Variants in DNM2 observed in about 807,000 individuals in gnomAD.
DNM2 encodes the protein dynamin 2.
Under a neutral mutation model 99.0 loss-of-function variants are expected in DNM2, and 15 were observed. The ratio of observed to expected loss-of-function variants is 0.15; its 90% confidence interval spans 0.10 to 0.23. The LOEUF is 0.23. DNM2 is among the 10% of genes least tolerant of loss of function. The pLI is 1.00. For missense variants in DNM2, 742 were observed against 1,189.4 expected (o/e 0.62, Z 5.53); for synonymous variants, 525 against 481.2 (o/e 1.09, Z -1.19).
chr19:10,811,563 C>A lies in DNM2; in HGVS notation c.1558-701C>A, dbSNP rs1449651178. The A allele has an allele frequency of 2.8e-5, 11 of 387,916 alleles. No individual in the cohort carries two copies. The East Asian group carries it at 7.9e-4, about 28-fold the overall frequency. The allele number at this position is 387,916 out of a possible 1,614,324, so 24.0% of individuals were successfully genotyped here. Reference sequence around the variant, plus strand: ...TGCCTCCGTGTGCTTCCTGCAGCTCCCAGGGCCCTCGTCCTGAGTGGGGTG... The same window carrying A: ...TGCCTCCGTGTGCTTCCTGCAGCTCACAGGGCCCTCGTCCTGAGTGGGGTG... On this transcript the variant is annotated intron_variant, in intron 14 of 20. Coordinates refer to ENST00000389253, the MANE Select transcript of DNM2 (RefSeq NM_001005361.3). The surrounding 1 kb of genome is among the most constrained non-coding windows in gnomAD (Gnocchi z 5.4).
At chr19:10,762,530 G>A (rs2070667607) in intron 2 of DNM2, among the ~76,000 whole-genome samples, 1 of 152,108 alleles carries the variant, frequency 6.6e-6, no homozygotes. Flanking sequence ...TAGCCTTAAA[G>A]CACACGTTAT....
intron 1 of DNM2, among the ~76,000 whole-genome samples, chr19:10,725,855 G>C (rs1168511402): frequency 1.3e-5 from 2 of 152,054 alleles, no homozygotes; most frequent in African/African-American, 2.4e-5. Context: ...CTGGGTTCAG[G>C]TGGTCCTCTC....
intron 7 of DNM2, among the ~76,000 whole-genome samples, chr19:10,792,605 T>C (rs1432272144): frequency 6.6e-6 from 1 of 152,040 alleles, no homozygotes; most frequent in African/African-American, 2.4e-5. Context: ...ATTTTCTTTC[T>C]TTTTTTTCTT....
At chr19:10,750,657 G>A (rs1003273612) in intron 1 of DNM2, among the ~76,000 whole-genome samples, 19 of 152,096 alleles carry the variant, frequency 1.2e-4, no homozygotes, top group Non-Finnish European at 2.4e-4. Flanking sequence ...AAGGCCGGGC[G>A]CGGTGGCTCA....
At chr19:10,806,648 C>T (rs1219452998) in intron 13 of DNM2, among the ~76,000 whole-genome samples, 3 of 152,168 alleles carry the variant, frequency 2.0e-5, no homozygotes, top group Non-Finnish European at 4.4e-5. Context: ...AAAAAATTAA[C>T]CAGGCGTGGT....
At chr19:10,804,648 A>T (rs8111962) in intron 12 of DNM2, among the ~76,000 whole-genome samples, 19,835 of 152,180 alleles carry the variant, frequency 0.13, 1,621 homozygotes, top group Middle Eastern at 0.22. Flanking sequence ...TGATCACACC[A>T]GGGCTCTCCA....
chr19:10,802,413 C>A, intron 12 of DNM2, 55 bp downstream of exon 12: 1 of 1,581,390 alleles, frequency 6.3e-7, no homozygotes, highest in South Asian at 1.1e-5. Flanking sequence ...ACTCTCAGAT[C>A]CAAGGAGGTG....
rs1309939705 is a variant in DNM2, at chr19:10,797,281, C to T, written c.1197-99C>T. 4 of 1,534,670 alleles carry T rather than the reference C, an allele frequency of 2.6e-6. No individual in the cohort carries two copies. The Admixed American group carries it at 5.5e-5, about 21-fold the overall frequency. On this transcript the variant is annotated intron_variant, in intron 9 of 20. Transcript: ENST00000389253. ...CCCCATGCATGGACTAATCAGATGA[C>T]TCTCGTTTCTTCTCTTCTCTCTGTC...
At chr19:10,793,014 A>G (rs2146009929) in intron 7 of DNM2, among the ~76,000 whole-genome samples, 1 of 152,254 alleles carries the variant, frequency 6.6e-6, no homozygotes, top group Middle Eastern at 3.4e-3. Context: ...AAGTGCTAAT[A>G]TTGCAGGCAT....
rs975378533 is a variant in DNM2, at chr19:10,802,856, C to T, written c.1493+498C>T. Reference sequence around the variant, plus strand: ...GTGGCACCCAGATGAGGGCCCACATCGGGGAGCCCTGATTTCAGCAGGATG... The same window carrying T: ...GTGGCACCCAGATGAGGGCCCACATTGGGGAGCCCTGATTTCAGCAGGATG... On this transcript the variant is annotated intron_variant, in intron 12 of 20. Transcript: ENST00000389253. 4.6e-5 allele frequency among the ~76,000 whole-genome samples: 7 copies of T among 152,202 alleles called. No homozygotes were observed. The South Asian group carries it at 6.2e-4, about 13-fold the overall frequency.
chr19:10,750,837 G>A (rs543889573), intron 1 of DNM2, among the ~76,000 whole-genome samples: 136 of 152,140 alleles, frequency 8.9e-4, no homozygotes, highest in Non-Finnish European at 1.7e-3. Flanking sequence ...GGGGGCTGAG[G>A]CAGGAGTAAG....
rs35245958 is a variant in DNM2 at position 10,783,699 on chromosome 19, A to AT, written c.849+581dup. On this transcript the variant is annotated intron_variant, in intron 6 of 20. Coordinates refer to ENST00000389253, the MANE Select transcript of DNM2 (RefSeq NM_001005361.3). ...ATTTATTATTATTATTATTATTATTATTATTATTTTTTATTTTTGGAGACA... is the reference window on the plus strand; with the variant it reads ...ATTTATTATTATTATTATTATTATTATTTATTATTTTTTATTTTTGGAGACA... 5.3e-4 allele frequency among the ~76,000 whole-genome samples: 75 copies of AT among 141,614 alleles called. 2 individuals carry two copies. The highest frequency in any genetic ancestry group is 8.0e-4 in the Non-Finnish European group (53 of 66,020). 92.9% of individuals were successfully genotyped at this position (141,614 alleles called of 152,430 possible).
chr19:10,752,655 C>A (rs1380096999), intron 1 of DNM2, among the ~76,000 whole-genome samples: 3 of 152,220 alleles, frequency 2.0e-5, no homozygotes, highest in Non-Finnish European at 4.4e-5. Flanking sequence ...ATGTTCATGC[C>A]ACCCCCAGAT....
At chr19:10,790,569 C>T (rs1391035649) in intron 7 of DNM2, among the ~76,000 whole-genome samples, 2 of 152,102 alleles carry the variant, frequency 1.3e-5, no homozygotes, top group African/African-American at 4.8e-5. Context: ...CAGGTTCAAG[C>T]GATTCTCCTG....
Position 10,798,577 on chromosome 19 carries a change from TG to T in DNM2, c.1422+7del, listed in dbSNP as rs1302880226. On this transcript the variant is annotated splice_donor_region_variant and intron_variant, in intron 11 of 20. Transcript: ENST00000389253. ...GAGGGGAGAACGAAGGACCAGGTAC[TG>T]GCCTTTTGTCTTCTTTATTGGGTAT... 1.2e-6 allele frequency: 2 copies of T among 1,614,214 alleles called. No homozygotes were observed. The highest frequency in any genetic ancestry group is 1.7e-6 in the Non-Finnish European group (2 of 1,180,016).
chr19:10,745,513 A>G (rs760231907), intron 1 of DNM2, among the ~76,000 whole-genome samples: 1 of 152,098 alleles, frequency 6.6e-6, no homozygotes. Context: ...TCGCCTAGGC[A>G]GCATATCACT....
Position 10,725,174 on chromosome 19 carries a change from A to G in DNM2, c.161+6771A>G, listed in dbSNP as rs568939799. ...TTGAAAAGGCCATACATGGCCGGGCATGGTGACTCACACCTGTAATCCCAG... is the reference window on the plus strand; with the variant it reads ...TTGAAAAGGCCATACATGGCCGGGCGTGGTGACTCACACCTGTAATCCCAG... On this transcript the variant is annotated intron_variant, in intron 1 of 20. Coordinates refer to ENST00000389253, the MANE Select transcript of DNM2 (RefSeq NM_001005361.3). Among the ~76,000 whole-genome samples, 4 of 152,324 alleles carry G rather than the reference A, an allele frequency of 2.6e-5. No individual in the cohort carries two copies. The South Asian group carries it at 8.3e-4, about 32-fold the overall frequency.
At chr19:10,760,675 T>A (rs1318631827) in intron 2 of DNM2, among the ~76,000 whole-genome samples, 3 of 151,972 alleles carry the variant, frequency 2.0e-5, no homozygotes. Context: ...TTTTATTTTT[T>A]TTAAGAGACA....
At position 10,795,885 on chromosome 19, in the gene DNM2, C is replaced by T. The variant is rs1042462812; in HGVS notation, c.1196+446C>T. 30 of 990,888 alleles carry T rather than the reference C, an allele frequency of 3.0e-5. No homozygotes were observed. Among genetic ancestry groups the T allele is most frequent in the Admixed American group, 5.3e-5 (3 of 56,294 alleles). The allele number at this position is 990,888 out of a possible 1,614,324, so 61.4% of individuals were successfully genotyped here. ...CTCCAGGTGTCTGCCCTTCCATCGC[C>T]GTGGGGTCCTCGGGTCACCCTGAGG... On this transcript the variant is annotated intron_variant, in intron 9 of 20. Coordinates refer to ENST00000389253, the MANE Select transcript of DNM2 (RefSeq NM_001005361.3). This position sits in a 1 kb window ranked among gnomAD's most constrained non-coding sequence, Gnocchi z 4.2.
Sources: allele counts gnomAD v4.1 joint callset (sites outside exome capture counted in the v4.1 genomes callset), GRCh38; gene constraint gnomAD v4.1.1; non-coding constraint Gnocchi (gnomAD v3.1); transcripts MANE v1.5; gene names NCBI Gene and HGNC (gene_info 2026-07-23, HGNC 2026-07-21).